Variants in DNAH8 observed in about 807,000 individuals in gnomAD.
The protein encoded by DNAH8 is axonemal beta dynein heavy chain 8.
A neutral mutation model predicts 562.1 loss-of-function variants in DNAH8; 382 were observed. The observed-to-expected ratio is 0.68, with a 90% confidence interval of 0.63 to 0.74. The LOEUF is 0.74. Among genes scored for constraint, DNAH8 ranks in the 30% least tolerant of loss-of-function variants. The pLI is 0.00. For synonymous variants in DNAH8, 1,881 were observed against 1,919.4 expected, an observed-to-expected ratio of 0.98 and a Z score of 0.52; for missense variants, 5,203 against 5,620.4, an observed-to-expected ratio of 0.93 and a Z score of 2.37.
chr6:39,010,057 G>T (rs12212950), intron 89 of DNAH8, among the ~76,000 whole-genome samples: 16,594 of 152,206 alleles, frequency 0.11, 1,090 homozygotes, highest in Admixed American at 0.2. Context: ...CCAGGGGAAA[G>T]GTTCAAGACC....
intron 57 of DNAH8, among the ~76,000 whole-genome samples, chr6:38,889,027 A>G (rs1779155423): frequency 6.6e-6 from 1 of 152,202 alleles, no homozygotes; most frequent in Non-Finnish European, 1.5e-5. Context: ...TGGGGCCTCA[A>G]TCCATCTGTA....
intron 49 of DNAH8, 109 bp from the exon 50 acceptor site, chr6:38,872,427 G>A (rs1351182240): frequency 8.2e-6 from 10 of 1,217,560 alleles, no homozygotes; most frequent in South Asian, 7.5e-5. Context: ...TAGTGAACTA[G>A]TTACGTTAAT....
At chr6:38,907,207 C>T (rs1348231871) in intron 63 of DNAH8, among the ~76,000 whole-genome samples, 1 of 152,190 alleles carries the variant, frequency 6.6e-6, no homozygotes, top group Non-Finnish European at 1.5e-5. Context: ...AATTGATGTT[C>T]CAGCTTCCTA....
chr6:38,941,832 C>G (rs1442559693), intron 79 of DNAH8, among the ~76,000 whole-genome samples: 1 of 152,092 alleles, frequency 6.6e-6, no homozygotes, highest in Non-Finnish European at 1.5e-5. Flanking sequence ...TCTGGGGAAG[C>G]CTCATATCTA....
At chr6:39,001,479 G>A (rs970605109) in intron 88 of DNAH8, among the ~76,000 whole-genome samples, 5 of 152,074 alleles carry the variant, frequency 3.3e-5, no homozygotes, top group African/African-American at 1.2e-4. Flanking sequence ...AATATTAATA[G>A]CTAGTTAGGA....
At chr6:38,938,705 G>A in intron 78 of DNAH8, 93 bp from the exon 79 acceptor site, 4 of 810,480 alleles carry the variant, frequency 4.9e-6, no homozygotes, top group Non-Finnish European at 5.9e-6. Flanking sequence ...TAGGTTTACC[G>A]ACGTACAAAC....
Position 38,982,400 on chromosome 6 carries a change from G to C in DNAH8, c.12889G>C (p.Ala4297Pro). Residue 4297 changes from alanine (A) to proline (P), a missense_variant, in exon 86 of 93, where the codon GCT (alanine) becomes CCT (proline). This residue lies in a region of DNAH8 where 1,399 missense variants were observed against 1,518.4 expected (regional missense o/e 0.92). Coordinates refer to ENST00000327475, the MANE Select transcript of DNAH8 (RefSeq NM_001206927.2). ...GWNIPYEFNS[A>P]DFSASVQFIQ... ...GAATATTCCCTACGAATTCAATTCT[G>C]CTGACTTTTCAGCCAGTGTTCAGTT... is the stretch of plus-strand genomic sequence containing the variant. The C allele has an allele frequency of 6.2e-7, 1 of 1,612,500 alleles. No individual in the cohort carries two copies.
rs1775926602 is a variant in DNAH8, at chr6:38,853,438, C to G, written c.5733+91C>G. On this transcript the variant is annotated intron_variant, in intron 41 of 92. Coordinates refer to ENST00000327475, the MANE Select transcript of DNAH8 (RefSeq NM_001206927.2). ...AGGTGGTTGACCTGATGGTGTGAGG[C>G]AATTGTAGCTTTGAATTAGGTTAGA... 16 of 1,383,390 alleles carry G rather than the reference C, an allele frequency of 1.2e-5. No homozygotes were observed. In the East Asian group the frequency reaches 3.6e-4, roughly 31 times the overall value. The allele number at this position is 1,383,390 out of a possible 1,614,324, so 85.7% of individuals were successfully genotyped here.
chr6:38,929,437 A>G (rs1782361444), intron 74 of DNAH8, 74 bp from the exon 75 acceptor site: 2 of 1,396,060 alleles, frequency 1.4e-6, no homozygotes, highest in South Asian at 3.6e-5. Context: ...CCTGTCCAAC[A>G]AATCTCTCGG....
intron 68 of DNAH8, among the ~76,000 whole-genome samples, chr6:38,916,414 A>G (rs1442780124): frequency 1.3e-5 from 2 of 152,092 alleles, no homozygotes; most frequent in Non-Finnish European, 2.9e-5. Flanking sequence ...CCTATCACTC[A>G]CATGCTTCTG....
Position 38,815,569 on chromosome 6 carries a change from A to T in DNAH8, c.3435A>T (p.Gln1145His), listed in dbSNP as rs758406192. 2 of 1,614,062 alleles carry T rather than the reference A, an allele frequency of 1.2e-6. No individual in the cohort carries two copies. The highest frequency in any genetic ancestry group is 3.3e-5 in the Admixed American group (2 of 60,018). ...SRGVAHWGQQ[Q>H]IRPIKSVIPS... ...GAGTGGCTCACTGGGGGCAACAGCA[A>T]ATCCGTCCCATCAAGTCTGTCATTC... Residue 1145 changes from glutamine (Q) to histidine (H), a missense_variant, in exon 26 of 93, where the codon CAA becomes CAT. Around this residue, in one of 6 missense-constraint regions of DNAH8, gnomAD observed 2,176 missense variants for 2,365.1 expected, o/e 0.92. Transcript: ENST00000327475.
At chr6:39,024,477 A>T (rs568091313) in intron 91 of DNAH8, among the ~76,000 whole-genome samples, 1 of 152,160 alleles carries the variant, frequency 6.6e-6, no homozygotes, top group African/African-American at 2.4e-5. Flanking sequence ...CATATATACC[A>T]TTGACTGGAA....
chr6:38,758,705 C>G (rs911278045), intron 10 of DNAH8, among the ~76,000 whole-genome samples: 1 of 152,034 alleles, frequency 6.6e-6, no homozygotes, highest in Non-Finnish European at 1.5e-5. Context: ...TACATCCCAT[C>G]AATACCTAAT....
At chr6:38,953,354 A>AT (rs1762044776) in intron 82 of DNAH8, among the ~76,000 whole-genome samples, 1 of 152,218 alleles carries the variant, frequency 6.6e-6, no homozygotes, top group African/African-American at 2.4e-5. Context: ...ACCATTTCAA[A>AT]TGTTGTAATT....
At chr6:38,792,528 A>G (rs1466132589) in intron 21 of DNAH8, among the ~76,000 whole-genome samples, 1 of 152,194 alleles carries the variant, frequency 6.6e-6, no homozygotes, top group Non-Finnish European at 1.5e-5. Context: ...TTACCCTGAC[A>G]CATCCATCCA....
At position 38,866,725 on chromosome 6, in the gene DNAH8, G is replaced by A. The variant is rs1232313378; in HGVS notation, c.6586-44G>A. On this transcript the variant is annotated intron_variant, in intron 46 of 92. Transcript: ENST00000327475. ...ATAATGTGCTTTATGTTCTTTACTTGTTTTTCACTAAAGTTGAAAAAAACT... is the reference window on the plus strand; with the variant it reads ...ATAATGTGCTTTATGTTCTTTACTTATTTTTCACTAAAGTTGAAAAAAACT... The A allele has an allele frequency of 8.1e-6, 13 of 1,597,296 alleles. No homozygotes were observed. In the Admixed American group the frequency reaches 2.2e-4, roughly 27 times the overall value.
At position 38,858,767 on chromosome 6, in the gene DNAH8, C is replaced by T. The variant is rs117378706; in HGVS notation, c.5958+1025C>T. ...TTATATTGTTTTGGCCTTCCACGGA[C>T]TAGCTTTTACTAATTGCAGTTACTA... On this transcript the variant is annotated intron_variant, in intron 42 of 92. Coordinates refer to ENST00000327475, the MANE Select transcript of DNAH8 (RefSeq NM_001206927.2). 1.3e-4 allele frequency among the ~76,000 whole-genome samples: 20 copies of T among 152,322 alleles called. No individual in the cohort carries two copies. The East Asian group carries it at 3.5e-3, about 26-fold the overall frequency.
intron 88 of DNAH8, among the ~76,000 whole-genome samples, chr6:38,994,916 A>G (rs1309067690): frequency 3.3e-5 from 5 of 151,964 alleles, no homozygotes; most frequent in African/African-American, 7.3e-5. Context: ...TTCCTTTAAC[A>G]TAGAATTTCC....
At chr6:38,739,585 T>C (rs1764366965) in intron 7 of DNAH8, among the ~76,000 whole-genome samples, 1 of 152,040 alleles carries the variant, frequency 6.6e-6, no homozygotes, top group Non-Finnish European at 1.5e-5. Flanking sequence ...GGCAAGAGGA[T>C]CGCTTGAGCC....
Sources: allele counts gnomAD v4.1 joint callset (sites outside exome capture counted in the v4.1 genomes callset), GRCh38; gene constraint gnomAD v4.1.1; regional missense constraint gnomAD v4.1.1; transcripts MANE v1.5; gene names NCBI Gene and HGNC (gene_info 2026-07-23, HGNC 2026-07-21).